CYP7B1: variants seen among roughly 807,000 people sequenced by gnomAD.
CYP7B1 encodes cytochrome P450 7B1.
A neutral mutation model predicts 42.7 loss-of-function variants in CYP7B1; 29 were observed. The ratio of observed to expected loss-of-function variants is 0.68; its 90% CI spans 0.51 to 0.93. CYP7B1 has a LOEUF of 0.93. Ranked by LOEUF, CYP7B1 falls within the 40% of genes least tolerant of loss-of-function variation. The pLI, the probability that CYP7B1 is intolerant of heterozygous loss-of-function variation, is 0.00. For missense variants in CYP7B1, 655 were observed against 600.5 expected, an observed-to-expected ratio of 1.09 and a Z score of -0.95; for synonymous variants, 235 against 218.2, an observed-to-expected ratio of 1.08 and a Z score of -0.68.
intron 1 of CYP7B1, among the ~76,000 whole-genome samples, chr8:64,770,811 T>C (rs1426821130): frequency 6.6e-6 from 1 of 152,120 alleles, no homozygotes; most frequent in Non-Finnish European, 1.5e-5. Flanking sequence ...CCAGGGGAAA[T>C]CTAAACACGC....
In CYP7B1 at chr8:64,777,607, T is replaced by C. The variant is rs868630108; in HGVS notation, c.122+20859A>G. ...ACATTGTCATTACAACTTTATTACA[T>C]AGACCCTAGGAATGTTGTTAAATCT... On this transcript the variant is annotated intron_variant, in intron 1 of 5. Transcript: ENST00000310193. 3.3e-5 allele frequency among the ~76,000 whole-genome samples: 5 copies of C among 152,224 alleles called. No homozygotes were observed. The South Asian group carries it at 1.0e-3, about 32-fold the overall frequency.
intron 1 of CYP7B1, among the ~76,000 whole-genome samples, chr8:64,654,407 C>A (rs913294444): frequency 6.6e-6 from 1 of 152,128 alleles, no homozygotes; most frequent in Non-Finnish European, 1.5e-5. Flanking sequence ...ATGAGGAAGA[C>A]AATCCTATTC....
At chr8:64,687,594 C>A (rs184963215) in intron 1 of CYP7B1, among the ~76,000 whole-genome samples, 1 of 152,066 alleles carries the variant, frequency 6.6e-6, no homozygotes, top group Admixed American at 6.5e-5. Context: ...ATTTAAAATG[C>A]CCCAAACAAA....
intron 1 of CYP7B1, among the ~76,000 whole-genome samples, chr8:64,731,219 T>C (rs775461155): frequency 6.6e-6 from 1 of 152,148 alleles, no homozygotes; most frequent in African/African-American, 2.4e-5. Context: ...GAAGCAACTT[T>C]GGAACTGGGT....
chr8:64,667,309 CG>C (rs149217193), intron 1 of CYP7B1, among the ~76,000 whole-genome samples: 11,245 of 152,086 alleles, frequency 0.074, 481 homozygotes, highest in South Asian at 0.16. Flanking sequence ...CACATTCCCT[CG>C]GGGGGCTCAT....
intron 2 of CYP7B1, among the ~76,000 whole-genome samples, chr8:64,617,789 T>G (rs900264065): frequency 2.6e-5 from 4 of 151,958 alleles, no homozygotes; most frequent in Non-Finnish European, 5.9e-5. Flanking sequence ...TGGTGCAAGA[T>G]ATTTCAAATA....
chr8:64,664,642 T>G (rs148219809), intron 1 of CYP7B1, among the ~76,000 whole-genome samples: 11 of 152,336 alleles, frequency 7.2e-5, no homozygotes, highest in Non-Finnish European at 1.6e-4. Flanking sequence ...ACTGGGATTC[T>G]GTTAAGCAGA....
intron 1 of CYP7B1, among the ~76,000 whole-genome samples, chr8:64,731,375 G>A (rs1585882481): frequency 6.6e-6 from 1 of 152,178 alleles, no homozygotes; most frequent in South Asian, 2.1e-4. Flanking sequence ...TGTAACAAAG[G>A]TGATTCTTGC....
In CYP7B1 at chr8:64,615,829, C is replaced by G. The variant is rs1291943356; in HGVS notation, c.712G>C (p.Val238Leu). 6.2e-7 allele frequency: 1 copy of G among 1,613,782 alleles called. No individual in the cohort carries two copies. The highest frequency in any genetic ancestry group is 1.1e-5 in the South Asian group (1 of 91,070). Residue 238 changes from valine (V) to leucine (L), a missense_variant, in exon 3 of 6, where the codon GTC (valine) becomes CTC (leucine). By Grantham distance (32) the Val-to-Leu change is conservative. Transcript: ENST00000310193. ...ATAATTTTCTCTCTAATAGACTTGACATTTCCTAGAAGCTCAATGGGTATG... is the reference window on the plus strand; with the variant it reads ...ATAATTTTCTCTCTAATAGACTTGAGATTTCCTAGAAGCTCAATGGGTATG... ...SNIPIELLGN[V>L]KSIREKIIKC...
At chr8:64,737,578 T>A (rs528152429) in intron 1 of CYP7B1, among the ~76,000 whole-genome samples, 3 of 152,354 alleles carry the variant, frequency 2.0e-5, no homozygotes, top group Admixed American at 2.0e-4. Flanking sequence ...ATAAGAATCA[T>A]ATTTTTAACT....
At chr8:64,734,845 A>G (rs1015830034) in intron 1 of CYP7B1, among the ~76,000 whole-genome samples, 6 of 152,356 alleles carry the variant, frequency 3.9e-5, no homozygotes, top group African/African-American at 7.2e-5. Flanking sequence ...AAACAAAAGC[A>G]TAAGTATACT....
intron 1 of CYP7B1, among the ~76,000 whole-genome samples, chr8:64,759,102 C>CTG (rs938720284): frequency 6.6e-6 from 1 of 152,198 alleles, no homozygotes; most frequent in African/African-American, 2.4e-5. Flanking sequence ...GCTTCCTACT[C>CTG]TGATCAGCTC....
chr8:64,743,081 G>A (rs993052781), intron 1 of CYP7B1, among the ~76,000 whole-genome samples: 3 of 151,926 alleles, frequency 2.0e-5, no homozygotes, highest in African/African-American at 7.3e-5. Context: ...AATTTTCACC[G>A]ACAACTCTAG....
intron 1 of CYP7B1, among the ~76,000 whole-genome samples, chr8:64,707,112 C>A (rs185979108): frequency 6.6e-6 from 1 of 151,916 alleles, no homozygotes; most frequent in Admixed American, 6.6e-5. Context: ...GCAACATATG[C>A]GTATGCAAAA....
At chr8:64,682,981 C>T (rs1215141234) in intron 1 of CYP7B1, among the ~76,000 whole-genome samples, 1 of 152,180 alleles carries the variant, frequency 6.6e-6, no homozygotes. Context: ...CTTGATTGAA[C>T]CTTGACTTCT....
At position 64,602,877 on chromosome 8, in the gene CYP7B1, G is replaced by C. The variant is rs946908730; in HGVS notation, c.1233+1805C>G. On this transcript the variant is annotated intron_variant, in intron 5 of 5. Transcript: ENST00000310193. ...TGAGAGTGGTAGTCACTCAGAAAATGTTTATACAATGAATGATAAAACCTT... is the reference window on the plus strand; with the variant it reads ...TGAGAGTGGTAGTCACTCAGAAAATCTTTATACAATGAATGATAAAACCTT... 2.0e-5 allele frequency among the ~76,000 whole-genome samples: 3 copies of C among 152,260 alleles called. No individual in the cohort carries two copies. In the South Asian group the frequency reaches 6.2e-4, roughly 32 times the overall value.
Position 64,624,446 on chromosome 8 carries a change from T to C in CYP7B1, c.216A>G (p.Thr72=), listed in dbSNP as rs778264635. The C allele has an allele frequency of 6.2e-7, 1 of 1,613,564 alleles. No homozygotes were observed. The highest frequency in any genetic ancestry group is 1.1e-5 in the South Asian group (1 of 91,034). The change falls in exon 2 of 6, where the codon ACA becomes ACG. Residue 72 remains threonine (T), a synonymous_variant. Transcript: ENST00000310193. The part of the protein sequence containing the change: ...LRKDPLRFMK[T]LQKQHGDTFT... Reference sequence around the variant, plus strand: ...AAGTGTCACCATGTTGCTTTTGAAGTGTTTTCATGAACCTTAAGGGGTCTT... The same window carrying C: ...AAGTGTCACCATGTTGCTTTTGAAGCGTTTTCATGAACCTTAAGGGGTCTT...
chr8:64,704,614 C>A (rs2129632524), intron 1 of CYP7B1, among the ~76,000 whole-genome samples: 2 of 152,038 alleles, frequency 1.3e-5, no homozygotes, highest in Admixed American at 1.3e-4. Context: ...CTCTGAAAGC[C>A]AGGTGGTAAG....
chr8:64,646,037 C>T (rs1585829371), intron 1 of CYP7B1, among the ~76,000 whole-genome samples: 1 of 152,172 alleles, frequency 6.6e-6, no homozygotes, highest in East Asian at 1.9e-4. Flanking sequence ...ACACCTTATA[C>T]AAAAATTAAT....
Sources: gnomAD v4.1 joint callset for allele counts (sites outside exome capture counted in the v4.1 genomes callset) on GRCh38, gnomAD v4.1.1 for gene constraint, MANE v1.5 for transcripts, NCBI Gene and HGNC (gene_info 2026-07-23, HGNC 2026-07-21) for gene names.